The following CADPS2 variants were observed in gnomAD, a reference collection of about 807,000 sequenced individuals.
CADPS2 encodes the protein calcium dependent secretion activator 2, also known as calcium-dependent secretion activator 2.
A neutral mutation model predicts 172.5 loss-of-function variants in CADPS2; 93 were observed. That is an observed-to-expected ratio of 0.54 (90% CI 0.46 to 0.64). The LOEUF is 0.64. Ranked by LOEUF, CADPS2 falls within the 30% of genes least tolerant of loss-of-function variation. CADPS2 has a pLI of 0.00. For synonymous variants in CADPS2, 546 were observed against 555.2 expected, an observed-to-expected ratio of 0.98 and a Z score of 0.23; for missense variants, 1,420 against 1,565.9, an observed-to-expected ratio of 0.91 and a Z score of 1.57.
At chr7:122,614,143 G>C (rs2074622383) in intron 6 of CADPS2, among the ~76,000 whole-genome samples, 1 of 151,980 alleles carries the variant, frequency 6.6e-6, no homozygotes, top group African/African-American at 2.4e-5. Flanking sequence ...TGAAGTCCAG[G>C]GTGGATGAAC....
intron 1 of CADPS2, among the ~76,000 whole-genome samples, chr7:122,881,008 A>AT: frequency 6.6e-6 from 1 of 152,330 alleles, no homozygotes; most frequent in South Asian, 2.1e-4. Context: ...TTTGAAATAA[A>AT]TATAAAGTAG....
intron 1 of CADPS2, among the ~76,000 whole-genome samples, chr7:122,823,123 T>C (rs1803869495): frequency 6.6e-6 from 1 of 152,220 alleles, no homozygotes. Context: ...TTGAGAAAAG[T>C]CTATTCAGAT....
intron 9 of CADPS2, among the ~76,000 whole-genome samples, chr7:122,499,123 TTC>T (rs2058993688): frequency 6.6e-6 from 1 of 152,250 alleles, no homozygotes; most frequent in African/African-American, 2.4e-5. Flanking sequence ...CAGTTAAAAA[TTC>T]TGAGGGTTAA....
At chr7:122,349,081 T>TG (rs1206742185) in intron 27 of CADPS2, among the ~76,000 whole-genome samples, 2 of 129,758 alleles carry the variant, frequency 1.5e-5, no homozygotes, top group Non-Finnish European at 3.3e-5. Context: ...TACATTTTTG[T>TG]GGGGTTTTTT....
At chr7:122,625,250 A>G (rs1200272209) in intron 4 of CADPS2, among the ~76,000 whole-genome samples, 1 of 151,850 alleles carries the variant, frequency 6.6e-6, no homozygotes, top group Non-Finnish European at 1.5e-5. Flanking sequence ...GGGTTTCTCC[A>G]TGTTGGTCAG....
chr7:122,446,967 T>C (rs1345889397), intron 15 of CADPS2, among the ~76,000 whole-genome samples: 5 of 151,788 alleles, frequency 3.3e-5, no homozygotes, highest in Non-Finnish European at 7.4e-5. Context: ...CCTTTTTAAA[T>C]TGTTTTGGGT....
At chr7:122,770,140 C>T (rs1251722053) in intron 1 of CADPS2, among the ~76,000 whole-genome samples, 1 of 152,078 alleles carries the variant, frequency 6.6e-6, no homozygotes, top group Non-Finnish European at 1.5e-5. Context: ...AGAACTCAAC[C>T]CTCAGCACAC....
At chr7:122,567,807 G>T (rs2066660687) in intron 7 of CADPS2, among the ~76,000 whole-genome samples, 1 of 151,834 alleles carries the variant, frequency 6.6e-6, no homozygotes, top group Non-Finnish European at 1.5e-5. Flanking sequence ...ACATTTATCA[G>T]TAACAGAGCA....
At chr7:122,737,624 G>A (rs2092249591) in intron 1 of CADPS2, among the ~76,000 whole-genome samples, 1 of 152,134 alleles carries the variant, frequency 6.6e-6, no homozygotes, top group South Asian at 2.1e-4. Flanking sequence ...ATATGGAAGT[G>A]GAATCCAAAT....
intron 1 of CADPS2, among the ~76,000 whole-genome samples, chr7:122,785,811 G>T (rs1195526573): frequency 6.6e-6 from 1 of 152,030 alleles, no homozygotes; most frequent in African/African-American, 2.4e-5. Flanking sequence ...TCTCACTAGG[G>T]CTCAGACCAT....
At chr7:122,884,667 G>A (rs1484282872) in intron 1 of CADPS2, among the ~76,000 whole-genome samples, 1 of 152,056 alleles carries the variant, frequency 6.6e-6, no homozygotes, top group Non-Finnish European at 1.5e-5. Context: ...TTAAAAAGTT[G>A]GGTAAGACCA....
At chr7:122,545,004 C>T (rs548623690) in intron 8 of CADPS2, among the ~76,000 whole-genome samples, 2 of 152,242 alleles carry the variant, frequency 1.3e-5, no homozygotes, top group African/African-American at 4.8e-5. Context: ...CTTCTGGTGT[C>T]TGTAGGCTGT....
At chr7:122,793,942 T>A (rs1030646035) in intron 1 of CADPS2, among the ~76,000 whole-genome samples, 1 of 152,172 alleles carries the variant, frequency 6.6e-6, no homozygotes, top group Non-Finnish European at 1.5e-5. Context: ...TTTAAGAATG[T>A]TGAGTATTGA....
At chr7:122,603,769 T>C (rs1288454310) in intron 6 of CADPS2, among the ~76,000 whole-genome samples, 2 of 152,142 alleles carry the variant, frequency 1.3e-5, no homozygotes, top group Non-Finnish European at 2.9e-5. Context: ...CATTAACATT[T>C]TAAAACCTAG....
intron 7 of CADPS2, among the ~76,000 whole-genome samples, chr7:122,556,362 T>C (rs981733509): frequency 7.2e-5 from 11 of 152,074 alleles, no homozygotes; most frequent in Non-Finnish European, 1.3e-4. Flanking sequence ...TCCTAATAAG[T>C]CTGGAAAGCT....
intron 2 of CADPS2, among the ~76,000 whole-genome samples, chr7:122,695,932 G>A (rs1199410582): frequency 1.3e-5 from 2 of 152,204 alleles, no homozygotes; most frequent in South Asian, 4.2e-4. Flanking sequence ...ACAAATTCCT[G>A]AACTACCAGA....
At chr7:122,645,384 C>CGTGTGTGTATAT (rs1563948214) in intron 3 of CADPS2, among the ~76,000 whole-genome samples, 3 of 61,678 alleles carry the variant, frequency 4.9e-5, no homozygotes, top group South Asian at 3.9e-4. Context: ...CACATATGTA[C>CGTGTGTGTATAT]ATGTGTGTGT....
chr7:122,367,543 T>G (rs1210886643), intron 25 of CADPS2, among the ~76,000 whole-genome samples: 3 of 62,084 alleles, frequency 4.8e-5, no homozygotes, highest in African/African-American at 9.8e-5. Flanking sequence ...CCCCCAGTTT[T>G]TTTTTTTTTT....
intron 2 of CADPS2, among the ~76,000 whole-genome samples, chr7:122,691,988 G>A (rs1297949322): frequency 6.6e-6 from 1 of 152,186 alleles, no homozygotes; most frequent in African/African-American, 2.4e-5. Flanking sequence ...CGGGTTCAGA[G>A]ACTAGTGGAT....
Sources: gnomAD v4.1 joint callset for allele counts (sites outside exome capture counted in the v4.1 genomes callset) on GRCh38, gnomAD v4.1.1 for gene constraint, MANE v1.5 for transcripts, NCBI Gene and HGNC (gene_info 2026-07-23, HGNC 2026-07-21) for gene names.